Variants in CCDC186 observed in about 807,000 individuals in gnomAD.
CCDC186 encodes the protein coiled-coil domain-containing protein 186.
In CCDC186, 49 loss-of-function variants were observed where a neutral mutation model predicts 113.7. That is an observed-to-expected ratio of 0.43 (90% CI 0.34 to 0.55). CCDC186 has a LOEUF of 0.55. Ranked by LOEUF, CCDC186 falls within the 20% of genes least tolerant of loss-of-function variation. The pLI is 0.02. For synonymous variants in CCDC186, 355 were observed against 345.8 expected (o/e 1.03, Z -0.30); for missense variants, 890 against 1,011.1 (o/e 0.88, Z 1.62).
chr10:114,133,446 A>G (rs528597996), intron 10 of CCDC186, among the ~76,000 whole-genome samples: 1 of 152,162 alleles, frequency 6.6e-6, no homozygotes. Context: ...TTGTGCCTGG[A>G]GCTTAGTGAA....
intron 5 of CCDC186, among the ~76,000 whole-genome samples, chr10:114,145,210 C>T (rs2031596737): frequency 6.6e-6 from 1 of 152,104 alleles, no homozygotes; most frequent in South Asian, 2.1e-4. Flanking sequence ...TTTTACACTA[C>T]TATATACATA....
chr10:114,151,491 C>G (rs138579951), intron 3 of CCDC186, among the ~76,000 whole-genome samples: 20 of 152,254 alleles, frequency 1.3e-4, no homozygotes, highest in African/African-American at 4.8e-4. Flanking sequence ...TTATCTGTGG[C>G]TTCACTTTCT....
intron 6 of CCDC186, among the ~76,000 whole-genome samples, chr10:114,142,594 T>C (rs1293515650): frequency 6.6e-6 from 1 of 152,242 alleles, no homozygotes; most frequent in Non-Finnish European, 1.5e-5. Flanking sequence ...ACATTTTCAG[T>C]TAAATCCCAA....
chr10:114,145,392 T>C lies in CCDC186; in HGVS notation c.1101+157A>G, dbSNP rs530222915. The stretch of plus-strand genomic sequence containing the variant: ...CAGACAAGTAATAGAACACTTGAAT[T>C]ACTAAAAAATTCATGGTTTTAGAAG... On this transcript the variant is annotated intron_variant, in intron 5 of 15. Coordinates refer to ENST00000369287, the MANE Select transcript of CCDC186 (RefSeq NM_018017.4). Among the ~76,000 whole-genome samples, 78 of 152,314 alleles carry C rather than the reference T, an allele frequency of 5.1e-4. 1 individual carries two copies. The highest frequency in any genetic ancestry group is 1.8e-3 in the African/African-American group (73 of 41,570).
chr10:114,158,798 T>G (rs956540465), intron 2 of CCDC186, among the ~76,000 whole-genome samples: 1 of 152,230 alleles, frequency 6.6e-6, no homozygotes. Flanking sequence ...CAATTTTGTT[T>G]TGGATCCAGG....
Position 114,134,985 on chromosome 10 carries a change from C to A in CCDC186, c.1583G>T (p.Arg528Leu), listed in dbSNP as rs369799974. 1 of 1,612,000 alleles carries A rather than the reference C, an allele frequency of 6.2e-7. No homozygotes were observed. The highest frequency in any genetic ancestry group is 8.5e-7 in the Non-Finnish European group (1 of 1,179,298). Residue 528 changes from arginine (R) to leucine (L), a missense_variant, in exon 10 of 16, where the codon CGC (arginine) becomes CTC (leucine). Physicochemically the swap from Arg to Leu is moderately radical, Grantham distance 102. Transcript: ENST00000369287. ...ELSKYKEIIN[R>L]QKAEIQNLLD... Reference sequence around the variant, plus strand: ...TAAATTCTGAATTTCAGCTTTTTGGCGATTAATAATTTCCTTATATTTTGA... The same window carrying A: ...TAAATTCTGAATTTCAGCTTTTTGGAGATTAATAATTTCCTTATATTTTGA...
chr10:114,130,069 T>C, intron 12 of CCDC186, 98 bp from the exon 13 acceptor site: 1 of 1,030,304 alleles, frequency 9.7e-7, no homozygotes, highest in Non-Finnish European at 1.5e-6. Context: ...AAAAATGGCA[T>C]AGACAAGAGA....
At chr10:114,127,900 A>T (rs1264321126) in intron 13 of CCDC186, among the ~76,000 whole-genome samples, 1 of 152,216 alleles carries the variant, frequency 6.6e-6, no homozygotes, top group African/African-American at 2.4e-5. Context: ...AGCAACAAGG[A>T]TCTCAAAAAG....
intron 6 of CCDC186, among the ~76,000 whole-genome samples, chr10:114,138,832 A>T (rs1320235977): frequency 1.3e-5 from 2 of 151,970 alleles, no homozygotes; most frequent in African/African-American, 2.4e-5. Context: ...CTGGCCATGG[A>T]GCTCTTTCTT....
intron 3 of CCDC186, among the ~76,000 whole-genome samples, chr10:114,157,087 G>A (rs751554822): frequency 2.0e-5 from 3 of 151,354 alleles, no homozygotes; most frequent in Non-Finnish European, 4.4e-5. Flanking sequence ...GTCCTACTTT[G>A]TAAAGGAGAA....
intron 1 of CCDC186, among the ~76,000 whole-genome samples, chr10:114,164,096 GTGTGTGTA>G (rs1460576944): frequency 2.5e-4 from 31 of 124,220 alleles, no homozygotes; most frequent in African/African-American, 9.8e-4. Context: ...GTGTGTGTGT[GTGTGTGTA>G]TATATATATA....
At chr10:114,145,456 C>A in intron 5 of CCDC186, 93 bp downstream of exon 5, 5 of 1,138,694 alleles carry the variant, frequency 4.4e-6, no homozygotes, top group Admixed American at 3.3e-5. Context: ...GAGTGTTAAC[C>A]ATGTTAAATT....
In CCDC186 at chr10:114,125,203, T is replaced by C; in HGVS notation, c.2637A>G (p.Thr879=). The C allele has an allele frequency of 6.2e-7, 1 of 1,611,324 alleles. No individual in the cohort carries two copies. The highest frequency in any genetic ancestry group is 8.5e-7 in the Non-Finnish European group (1 of 1,178,416). Residue 879 remains threonine (T), a synonymous_variant, in exon 16 of 16, where the codon ACA becomes ACG. Coordinates refer to ENST00000369287, the MANE Select transcript of CCDC186 (RefSeq NM_018017.4). ...TLKENLQTLG[T]EIERLIKHQH... is the part of the protein sequence containing the mutation. ...GGTGTTTAATAAGACGTTCTATTTC[T>C]GTTCCAAGTGTTTGTAGATTTTCCT...
intron 4 of CCDC186, among the ~76,000 whole-genome samples, chr10:114,149,283 T>C (rs2031738186): frequency 6.6e-6 from 1 of 151,952 alleles, no homozygotes; most frequent in African/African-American, 2.4e-5. Context: ...AAAACATACA[T>C]AGCAGTGAGT....
At chr10:114,146,965 T>A (rs1039462662) in intron 4 of CCDC186, among the ~76,000 whole-genome samples, 1 of 152,168 alleles carries the variant, frequency 6.6e-6, no homozygotes, top group Non-Finnish European at 1.5e-5. Flanking sequence ...AATCTCCCAA[T>A]TGGGATTTGT....
In CCDC186 at chr10:114,121,038, T is replaced by C. The variant is rs1055826678; in HGVS notation, c.*4105A>G. On this transcript the variant is annotated 3_prime_UTR_variant, in exon 16 of 16. Coordinates refer to ENST00000369287, the MANE Select transcript of CCDC186 (RefSeq NM_018017.4). ...TCCTCTGGAAGATAAACAAGTTTCA[T>C]CATTGCAGTCAAAATGGATAGCGAT... 1.3e-5 allele frequency: 2 copies of C among 152,168 alleles called. No individual in the cohort carries two copies. The highest frequency in any genetic ancestry group is 3.9e-4 in the East Asian group (2 of 5,194). 9.4% of individuals were successfully genotyped at this position (152,168 alleles called of 1,614,324 possible). A position where few individuals can be genotyped will look rare whatever the true frequency, so the allele number is the denominator to read the frequency against.
chr10:114,127,656 C>A lies in CCDC186; in HGVS notation c.2198G>T (p.Arg733Leu). The change falls in exon 14 of 16, where the codon CGA becomes CTA. Residue 733 changes from arginine to leucine, a missense_variant. Physicochemically the swap from Arg to Leu is moderately radical, Grantham distance 102 (BLOSUM62 -2). Coordinates refer to ENST00000369287, the MANE Select transcript of CCDC186 (RefSeq NM_018017.4). ...RSSSSGSLNA[R>L]SSAEDRSPEN... ...TGGAGATCGATCTTCTGCACTGCTTCGAGCATTCAGGGACCCTGAAGACAA... is the reference window on the plus strand; with the variant it reads ...TGGAGATCGATCTTCTGCACTGCTTAGAGCATTCAGGGACCCTGAAGACAA... 6.2e-7 allele frequency: 1 copy of A among 1,613,770 alleles called. No individual in the cohort carries two copies. Among genetic ancestry groups the A allele is most frequent in the Non-Finnish European group, 8.5e-7 (1 of 1,179,906 alleles).
intron 1 of CCDC186, among the ~76,000 whole-genome samples, chr10:114,164,116 T>TA (rs2032265656): frequency 3.1e-5 from 3 of 95,276 alleles, no homozygotes; most frequent in East Asian, 2.7e-4. Context: ...ATATATATAT[T>TA]TTTTTTTTTT....
chr10:114,151,838 C>G (rs1430898574), intron 3 of CCDC186, among the ~76,000 whole-genome samples: 2 of 152,058 alleles, frequency 1.3e-5, no homozygotes, highest in African/African-American at 4.8e-5. Context: ...GCTGGCAATT[C>G]ACATGTGCCA....
Sources: allele counts gnomAD v4.1 joint callset (sites outside exome capture counted in the v4.1 genomes callset), GRCh38; gene constraint gnomAD v4.1.1; transcripts MANE v1.5; gene names NCBI Gene and HGNC (gene_info 2026-07-23, HGNC 2026-07-21).